The following WWOX variants were observed in gnomAD, a reference collection of about 807,000 sequenced individuals.
WWOX encodes the protein WW domain containing oxidoreductase.
Under a neutral mutation model 46.2 loss-of-function variants are expected in WWOX, and 69 were observed. The ratio of observed to expected loss-of-function variants is 1.49; its 90% confidence interval spans 1.23 to 1.82. The LOEUF is 1.82. WWOX is among the 40% of genes most tolerant of loss of function. WWOX has a pLI of 0.00. For missense variants in WWOX, 919 were observed against 542.6 expected (o/e 1.69, Z -6.89); for synonymous variants, 359 against 202.6 (o/e 1.77, Z -6.56).
intron 5 of WWOX, among the ~76,000 whole-genome samples, chr16:78,249,767 C>G (rs1193308360): frequency 6.6e-6 from 1 of 150,718 alleles, no homozygotes; most frequent in Non-Finnish European, 1.5e-5. Flanking sequence ...AATTGAAAGC[C>G]TCAAACTAGA....
intron 8 of WWOX, among the ~76,000 whole-genome samples, chr16:79,186,474 G>A (rs867732976): frequency 6.6e-6 from 1 of 152,122 alleles, no homozygotes; most frequent in Non-Finnish European, 1.5e-5. Context: ...TGTGTTTCTG[G>A]ATCTCTTCTC....
intron 8 of WWOX, among the ~76,000 whole-genome samples, chr16:78,840,756 A>ATG (rs1422357559): frequency 6.6e-6 from 1 of 151,720 alleles, no homozygotes; most frequent in Non-Finnish European, 1.5e-5. Flanking sequence ...GTACATATAT[A>ATG]TGTATATATA....
intron 8 of WWOX, among the ~76,000 whole-genome samples, chr16:79,211,147 T>A (rs1464636949): frequency 1.3e-5 from 2 of 152,018 alleles, no homozygotes; most frequent in African/African-American, 4.8e-5. Flanking sequence ...CAGCCCCACT[T>A]GGGTTTTCTA....
chr16:78,458,339 C>T (rs892754696), intron 8 of WWOX, among the ~76,000 whole-genome samples: 1 of 149,924 alleles, frequency 6.7e-6, no homozygotes, highest in Non-Finnish European at 1.5e-5. Flanking sequence ...CAGCTCACTG[C>T]AGTCTTGACC....
chr16:78,376,480 GTAT>G (rs751936884), intron 5 of WWOX, among the ~76,000 whole-genome samples: 3 of 152,256 alleles, frequency 2.0e-5, no homozygotes, highest in Non-Finnish European at 4.4e-5. Context: ...ATCAACTTCT[GTAT>G]TATTTGTAAT....
At chr16:78,525,036 T>A (rs1484735765) in intron 8 of WWOX, among the ~76,000 whole-genome samples, 1 of 151,666 alleles carries the variant, frequency 6.6e-6, no homozygotes, top group African/African-American at 2.4e-5. Context: ...TGGCTACTTG[T>A]TTAATTTTTT....
At chr16:78,176,438 A>G (rs2035348211) in intron 5 of WWOX, among the ~76,000 whole-genome samples, 1 of 152,328 alleles carries the variant, frequency 6.6e-6, no homozygotes, top group East Asian at 1.9e-4. Flanking sequence ...TGAAGAGCAC[A>G]GTCTTCTTTT....
rs113351072 is a variant in WWOX at position 79,152,170 on chromosome 16, C to T, written c.1057-59438C>T. 7.3e-3 allele frequency among the ~76,000 whole-genome samples: 1,107 copies of T among 152,328 alleles called. 15 individuals carry two copies. The highest frequency in any genetic ancestry group is 0.024 in the African/African-American group (1,013 of 41,572). On this transcript the variant is annotated intron_variant, in intron 8 of 8. Transcript: ENST00000566780. Reference sequence around the variant, plus strand: ...TCTGTCGGCACTGCCTTGGAACTTGCTTGCATCCCTCCCCCACGCGAGGCG... The same window carrying T: ...TCTGTCGGCACTGCCTTGGAACTTGTTTGCATCCCTCCCCCACGCGAGGCG...
chr16:78,118,162 C>T (rs1481169185), intron 4 of WWOX, among the ~76,000 whole-genome samples: 3 of 151,756 alleles, frequency 2.0e-5, no homozygotes, highest in Non-Finnish European at 4.4e-5. Flanking sequence ...TGCACTAGAG[C>T]CATGCCCCCT....
At chr16:78,866,798 C>G (rs1356208572) in intron 8 of WWOX, among the ~76,000 whole-genome samples, 3 of 152,214 alleles carry the variant, frequency 2.0e-5, no homozygotes, top group Admixed American at 6.5e-5. Flanking sequence ...GTATCTTGAG[C>G]TAGGACCATA....
intron 5 of WWOX, among the ~76,000 whole-genome samples, chr16:78,182,948 C>G (rs568351056): frequency 8.7e-6 from 1 of 114,452 alleles, no homozygotes; most frequent in Non-Finnish European, 1.8e-5. Flanking sequence ...GAGAATCTGT[C>G]TCAAAAAAAA....
chr16:78,886,179 C>A (rs75708617), intron 8 of WWOX, among the ~76,000 whole-genome samples: 2 of 151,548 alleles, frequency 1.3e-5, no homozygotes, highest in Non-Finnish European at 2.9e-5. Flanking sequence ...CCCTCCTCGG[C>A]CTCCCAAAGT....
At chr16:78,975,612 G>A (rs1189810372) in intron 8 of WWOX, among the ~76,000 whole-genome samples, 1 of 152,114 alleles carries the variant, frequency 6.6e-6, no homozygotes, top group Non-Finnish European at 1.5e-5. Flanking sequence ...AAATGAAAGG[G>A]TGAACAGTGT....
chr16:78,811,081 A>C (rs557069893), intron 8 of WWOX, among the ~76,000 whole-genome samples: 2 of 152,148 alleles, frequency 1.3e-5, no homozygotes, highest in East Asian at 1.9e-4. Flanking sequence ...CAGTAAGACA[A>C]CTCCTCTTCT....
chr16:78,123,440 G>GTTTTTTGTT (rs2033202143), intron 4 of WWOX: 3 of 50,480 alleles, frequency 5.9e-5, no homozygotes, highest in African/African-American at 2.5e-4. Context: ...TTTTTGTTTT[G>GTTTTTTGTT]TTTTTTTTTT....
intron 8 of WWOX, among the ~76,000 whole-genome samples, chr16:78,641,309 G>T (rs117715404): frequency 4.6e-4 from 70 of 152,020 alleles, no homozygotes; most frequent in Non-Finnish European, 9.1e-4. Context: ...TATGACAATA[G>T]GACCCATCCT....
intron 6 of WWOX, among the ~76,000 whole-genome samples, chr16:78,414,019 G>A (rs997883179): frequency 6.6e-6 from 1 of 151,882 alleles, no homozygotes; most frequent in Non-Finnish European, 1.5e-5. Flanking sequence ...CTTAACTGAT[G>A]ACATTCCATC....
intron 8 of WWOX, among the ~76,000 whole-genome samples, chr16:78,976,641 C>A (rs746467844): frequency 6.6e-6 from 1 of 152,194 alleles, no homozygotes; most frequent in Non-Finnish European, 1.5e-5. Flanking sequence ...GAAGATAAGA[C>A]CATCTCTTGG....
chr16:78,967,158 T>C (rs1453504604), intron 8 of WWOX, among the ~76,000 whole-genome samples: 2 of 152,034 alleles, frequency 1.3e-5, no homozygotes, highest in Non-Finnish European at 2.9e-5. Context: ...TACCTGCCTC[T>C]CTGAGAAGCC....
Sources: allele counts gnomAD v4.1 joint callset (sites outside exome capture counted in the v4.1 genomes callset), GRCh38; gene constraint gnomAD v4.1.1; transcripts MANE v1.5; gene names NCBI Gene and HGNC (gene_info 2026-07-23, HGNC 2026-07-21).